Variants in DNAH5 observed in about 807,000 individuals in gnomAD.
DNAH5 encodes the protein dynein axonemal heavy chain 5.
In DNAH5, 372 loss-of-function variants were observed where a neutral mutation model predicts 518.2. The ratio of observed to expected loss-of-function variants is 0.72; its 90% confidence interval spans 0.66 to 0.78. The LOEUF (loss-of-function observed/expected upper bound fraction) is 0.78, where lower values mean the gene tolerates loss of function less well. Among genes scored for constraint, DNAH5 ranks in the 30% least tolerant of loss-of-function variants. DNAH5 has a pLI of 0.00. For missense variants in DNAH5, 5,523 were observed against 5,687.0 expected, an observed-to-expected ratio of 0.97 and a Z score of 0.93; for synonymous variants, 2,039 against 2,025.9, an observed-to-expected ratio of 1.01 and a Z score of -0.17.
At chr5:13,970,977 A>AT (rs949512000) in intron 1 of DNAH5, among the ~76,000 whole-genome samples, 5 of 150,918 alleles carry the variant, frequency 3.3e-5, no homozygotes, top group East Asian at 1.9e-4. Context: ...GGCTTTGTTC[A>AT]TTTTTTTTCT....
chr5:13,786,946 A>T (rs891591249), intron 51 of DNAH5, among the ~76,000 whole-genome samples: 1 of 152,220 alleles, frequency 6.6e-6, no homozygotes, highest in Admixed American at 6.5e-5. Flanking sequence ...ATAATATACC[A>T]GCTTAACACT....
chr5:13,769,532 T>A lies in DNAH5; in HGVS notation c.9689A>T (p.Glu3230Val). 6.2e-7 allele frequency: 1 copy of A among 1,614,094 alleles called. No homozygotes were observed. The highest frequency in any genetic ancestry group is 8.5e-7 in the Non-Finnish European group (1 of 1,179,960). ...GGCTTTATCGTTGGCCACTTGTAGC[T>A]CCTTTTCTTTCGCTTCCAGTTCTTT... ...LSKELEAKEKELQVANDKADM... is the reference protein window; with the variant it reads ...LSKELEAKEKVLQVANDKADM... The change falls in exon 57 of 79, where the codon GAG becomes GTG. Residue 3230 changes from glutamate to valine, a missense_variant. Transcript: ENST00000265104.
At chr5:13,717,212 G>A in intron 73 of DNAH5, 103 bp downstream of exon 73, 2 of 1,111,278 alleles carry the variant, frequency 1.8e-6, no homozygotes, top group Non-Finnish European at 2.7e-6. Flanking sequence ...TGCAAGCACA[G>A]CAAATTCTCT....
At chr5:13,712,228 C>T (rs1361364650) in intron 75 of DNAH5, among the ~76,000 whole-genome samples, 1 of 152,096 alleles carries the variant, frequency 6.6e-6, no homozygotes, top group Non-Finnish European at 1.5e-5. Flanking sequence ...GAAAGGACAC[C>T]CTTTTCAAAA....
At chr5:13,699,260 A>T (rs7716233) in intron 78 of DNAH5, among the ~76,000 whole-genome samples, 4 of 152,280 alleles carry the variant, frequency 2.6e-5, no homozygotes, top group African/African-American at 9.6e-5. Context: ...CTTTTGTAAC[A>T]TGTATCAATT....
intron 69 of DNAH5, among the ~76,000 whole-genome samples, chr5:13,729,121 GTCTA>G (rs1450681501): frequency 6.6e-6 from 1 of 152,196 alleles, no homozygotes; most frequent in Non-Finnish European, 1.5e-5. Flanking sequence ...GGCTTTTTAA[GTCTA>G]TCTAATTATT....
chr5:13,821,512 A>G (rs1400951744), intron 40 of DNAH5, among the ~76,000 whole-genome samples: 1 of 152,224 alleles, frequency 6.6e-6, no homozygotes, highest in Non-Finnish European at 1.5e-5. Context: ...TTTTACAGAT[A>G]AGGAACTTGA....
intron 46 of DNAH5, 132 bp downstream of exon 46, chr5:13,808,912 A>C: frequency 2.8e-6 from 3 of 1,059,630 alleles, no homozygotes; most frequent in Non-Finnish European, 4.2e-6. Context: ...GTGAGCCGAG[A>C]TCGCGCCACT....
intron 1 of DNAH5, among the ~76,000 whole-genome samples, chr5:13,973,694 T>C (rs1206801084): frequency 6.7e-6 from 1 of 149,592 alleles, no homozygotes; most frequent in Non-Finnish European, 1.5e-5. Flanking sequence ...GTGCAAGTTG[T>C]CAGAATCAAA....
Position 13,810,151 on chromosome 5 carries a change from A to C in DNAH5, c.7517T>G (p.Leu2506Arg), listed in dbSNP as rs1434923566. 1 of 1,548,580 alleles carries C rather than the reference A, an allele frequency of 6.5e-7. No homozygotes were observed. The change falls in exon 45 of 79, where the codon CTC becomes CGC. Residue 2506 changes from leucine (L) to arginine (R), a missense_variant. Physicochemically the swap from Leu to Arg is moderately radical, Grantham distance 102. Transcript: ENST00000265104. Reference sequence around the variant, plus strand: ...CCCTGTGGGCCGAGAGCGCAGCCAGAGCTCCAGGCGGCGCCGTCCGTCCAG... The same window carrying C: ...CCCTGTGGGCCGAGAGCGCAGCCAGCGCTCCAGGCGGCGCCGTCCGTCCAG... The part of the protein sequence containing the change: ...LELDGRRRLE[L>R]WLRSRPTGTL...
intron 75 of DNAH5, among the ~76,000 whole-genome samples, chr5:13,713,124 T>TATATATATATATATACAC (rs1554018603): frequency 1.4e-5 from 2 of 146,562 alleles, no homozygotes; most frequent in African/African-American, 5.1e-5. Flanking sequence ...TATATATATA[T>TATATATATATATATACAC]ACACACACAC....
intron 65 of DNAH5, among the ~76,000 whole-genome samples, chr5:13,746,956 G>A (rs1467861773): frequency 6.6e-6 from 1 of 152,062 alleles, no homozygotes; most frequent in East Asian, 1.9e-4. Context: ...TGTTACATAT[G>A]TATACATGTG....
At chr5:13,989,130 G>A (rs1054927979) in intron 1 of DNAH5, among the ~76,000 whole-genome samples, 17 of 152,270 alleles carry the variant, frequency 1.1e-4, no homozygotes, top group African/African-American at 3.1e-4. Context: ...AGAAAGAGCC[G>A]TGTAGTGGGG....
chr5:13,786,103 A>G, intron 52 of DNAH5, 76 bp downstream of exon 52: 1 of 1,402,982 alleles, frequency 7.1e-7, no homozygotes, highest in Non-Finnish European at 1.0e-6. Flanking sequence ...AATGAAAATA[A>G]GAGAGGGAGA....
At chr5:13,989,904 C>T (rs565928948) in intron 1 of DNAH5, among the ~76,000 whole-genome samples, 1 of 152,032 alleles carries the variant, frequency 6.6e-6, no homozygotes, top group Non-Finnish European at 1.5e-5. Context: ...TACTCTATAC[C>T]AGGCCCTGTT....
intron 68 of DNAH5, among the ~76,000 whole-genome samples, chr5:13,732,533 AT>A (rs552074864): frequency 1.8e-3 from 266 of 151,810 alleles, no homozygotes; most frequent in Admixed American, 3.0e-3. Flanking sequence ...CTCCTGGCTA[AT>A]TTTTTTTGTA....
Position 13,913,881 on chromosome 5 carries a change from C to T in DNAH5, c.1398G>A (p.Glu466=), listed in dbSNP as rs759227909. The T allele has an allele frequency of 3.1e-6, 5 of 1,613,632 alleles. No homozygotes were observed. In the East Asian group the frequency reaches 1.1e-4, roughly 36 times the overall value. ...TTTCGAATTTTCCAAAAATATACAT[C>T]TCGCTAAAATCAAATTGTTTTGCAT... is the stretch of plus-strand genomic sequence containing the variant. ...NPNAKQFDFS[E]MYIFGKFETF... is the part of the protein sequence containing the mutation. Residue 466 remains glutamate, a synonymous_variant, in exon 11 of 79, where the codon GAG becomes GAA. Transcript: ENST00000265104.
chr5:13,994,032 GCTGTCAGGCCGTC>G (rs1342590649), intron 1 of DNAH5, among the ~76,000 whole-genome samples: 1 of 152,326 alleles, frequency 6.6e-6, no homozygotes, highest in African/African-American at 2.4e-5. Context: ...AGGCATGCCT[GCTGTCAGGCCGTC>G]CTCTGCTCAC....
chr5:13,980,088 T>G (rs1782569959), intron 1 of DNAH5, among the ~76,000 whole-genome samples: 1 of 152,122 alleles, frequency 6.6e-6, no homozygotes, highest in African/African-American at 2.4e-5. Flanking sequence ...TCTACCTGCC[T>G]CAGCCTCCCA....
Sources: gnomAD v4.1 joint callset for allele counts (sites outside exome capture counted in the v4.1 genomes callset) on GRCh38, gnomAD v4.1.1 for gene constraint, MANE v1.5 for transcripts, NCBI Gene and HGNC (gene_info 2026-07-23, HGNC 2026-07-21) for gene names.